Variants in TENT5D observed in about 807,000 individuals in gnomAD.
TENT5D encodes terminal nucleotidyltransferase 5D.
For missense variants in TENT5D, 191 were observed against 287.0 expected, an observed-to-expected ratio of 0.67 and a Z score of 2.42; for synonymous variants, 103 against 100.6, an observed-to-expected ratio of 1.02 and a Z score of -0.15.
At chrX:80,444,069 C>A in exon 3 of TENT5D, 1 of 155,626 alleles carries the variant, frequency 6.4e-6, no homozygotes, top group Admixed American at 7.6e-5. Flanking sequence ...CATAAAAGGA[C>A]AGATTCATGT....
intron 2 of TENT5D, among the ~76,000 whole-genome samples, chrX:80,336,235 G>T: frequency 9.0e-6 from 1 of 110,619 alleles, no homozygotes; most frequent in Admixed American, 9.7e-5. Flanking sequence ...GCATCTAATT[G>T]GATAAGTTTC....
At chrX:80,442,297 G>A (rs1932299501) in intron 2 of TENT5D, among the ~76,000 whole-genome samples, 1 of 111,623 alleles carries the variant, frequency 9.0e-6, no homozygotes. Context: ...GAAAATTCCT[G>A]AGAAATCTGT....
chrX:80,381,321 G>C (rs1379015103), intron 3 of TENT5D, among the ~76,000 whole-genome samples: 6 of 112,188 alleles, frequency 5.3e-5, no homozygotes, highest in African/African-American at 1.9e-4. Flanking sequence ...TTTCTGCTGA[G>C]AGATCTGCTG....
At chrX:80,347,478 A>C (rs1180430273) in intron 3 of TENT5D, among the ~76,000 whole-genome samples, 4 of 111,761 alleles carry the variant, frequency 3.6e-5, no homozygotes, top group Non-Finnish European at 5.7e-5. Context: ...TGTCTTGAGA[A>C]ATGTCTGTTC....
chrX:80,425,546 T>C (rs896047948), intron 1 of TENT5D, among the ~76,000 whole-genome samples: 11 of 112,360 alleles, frequency 9.8e-5, no homozygotes, highest in Non-Finnish European at 1.9e-4. Flanking sequence ...TTGAAGAGGA[T>C]TAAAACAAGA....
chrX:80,403,546 C>A (rs1043800503), intron 3 of TENT5D, among the ~76,000 whole-genome samples: 1 of 112,254 alleles, frequency 8.9e-6, no homozygotes, highest in South Asian at 3.6e-4. Flanking sequence ...TTGGATAATT[C>A]TTTGTTGTGG....
rs1322549822 is a variant in TENT5D, at chrX:80,387,178, A to T, written c.-142+44614A>T. ...AATGCAGACAGTTCCAATGTCAAAG[A>T]TTGCAGCCAAGGGTCTTCTTAGGGG... On this transcript the variant is annotated intron_variant, in intron 3 of 4. Coordinates refer to the TENT5D transcript ENST00000538312. Among the ~76,000 whole-genome samples the T allele has an allele frequency of 2.7e-5, 3 of 112,135 alleles. No homozygotes were observed. The Admixed American group carries it at 2.8e-4, about 11-fold the overall frequency.
chrX:80,438,223 G>A (rs1225306155), intron 1 of TENT5D, among the ~76,000 whole-genome samples: 2 of 110,039 alleles, frequency 1.8e-5, no homozygotes, highest in African/African-American at 6.6e-5. Flanking sequence ...AGCAGCATTA[G>A]CATCATCTTG....
intron 3 of TENT5D, among the ~76,000 whole-genome samples, chrX:80,374,029 T>G (rs1380174974): frequency 9.0e-6 from 1 of 110,980 alleles, no homozygotes; most frequent in African/African-American, 3.3e-5. Flanking sequence ...CATTGTGTGT[T>G]GTTTCCCCTA....
At chrX:80,362,458 C>T (rs906238438) in intron 3 of TENT5D, among the ~76,000 whole-genome samples, 7 of 112,177 alleles carry the variant, frequency 6.2e-5, no homozygotes, top group Non-Finnish European at 1.3e-4. Context: ...CCACCGTGCC[C>T]GGCTGATTTT....
chrX:80,354,892 C>T (rs948055184), intron 3 of TENT5D, among the ~76,000 whole-genome samples: 1 of 111,672 alleles, frequency 9.0e-6, no homozygotes, highest in African/African-American at 3.3e-5. Flanking sequence ...TACTTTTATT[C>T]CATGATGCCC....
chrX:80,362,558 G>T (rs1930429883), intron 3 of TENT5D, among the ~76,000 whole-genome samples: 1 of 111,969 alleles, frequency 8.9e-6, no homozygotes, highest in Non-Finnish European at 1.9e-5. Flanking sequence ...GTAGCTGGCT[G>T]CCAGCATTTT....
intron 1 of TENT5D, among the ~76,000 whole-genome samples, chrX:80,436,382 C>A (rs779400475): frequency 2.7e-5 from 3 of 110,881 alleles, no homozygotes; most frequent in Non-Finnish European, 5.7e-5. Flanking sequence ...CATTTGTTTT[C>A]AATCTCATTC....
At chrX:80,442,773 C>T in exon 3 of TENT5D, 1 of 1,211,247 alleles carries the variant, frequency 8.3e-7, no homozygotes, top group Non-Finnish European at 1.1e-6. Flanking sequence ...ACAATGGAAT[C>T]AGCTATAAGG....
At chrX:80,382,415 G>A (rs977953093) in intron 3 of TENT5D, among the ~76,000 whole-genome samples, 2 of 112,071 alleles carry the variant, frequency 1.8e-5, no homozygotes, top group African/African-American at 6.5e-5. Flanking sequence ...TGTCTGGGAG[G>A]TGTCTCCCAG....
intron 3 of TENT5D, among the ~76,000 whole-genome samples, chrX:80,377,351 C>T (rs1602197164): frequency 9.0e-6 from 1 of 111,077 alleles, no homozygotes. Context: ...TCATCATTTA[C>T]GTTAGGTATT....
chrX:80,407,612 T>A (rs1161447237), intron 3 of TENT5D, among the ~76,000 whole-genome samples: 2 of 106,090 alleles, frequency 1.9e-5, no homozygotes, highest in Non-Finnish European at 3.9e-5. Context: ...AAGTCCTGAG[T>A]GACCTACAAA....
chrX:80,363,226 C>T (rs1930444510), intron 3 of TENT5D, among the ~76,000 whole-genome samples: 1 of 111,739 alleles, frequency 8.9e-6, no homozygotes. Context: ...AATACCATGA[C>T]ATTTTGATAT....
At chrX:80,347,361 G>C (rs1416111361) in intron 3 of TENT5D, among the ~76,000 whole-genome samples, 1 of 111,842 alleles carries the variant, frequency 8.9e-6, no homozygotes, top group Non-Finnish European at 1.9e-5. Context: ...ACTTTTTAAT[G>C]ATGGCCATTC....
Sources: allele counts gnomAD v4.1 joint callset (sites outside exome capture counted in the v4.1 genomes callset), GRCh38; gene constraint gnomAD v4.1.1; transcripts MANE v1.5; gene names NCBI Gene and HGNC (gene_info 2026-07-23, HGNC 2026-07-21).